The following NMD3 variants were observed in gnomAD, a reference collection of about 807,000 sequenced individuals.
The protein encoded by NMD3 is NMD3 ribosome export adaptor.
NMD3 carries 47 observed loss-of-function variants against 73.1 expected under a neutral mutation model. The ratio of observed to expected loss-of-function variants is 0.64; its 90% CI spans 0.51 to 0.82. The LOEUF is 0.82. Ranked by LOEUF, NMD3 falls within the 40% of genes least tolerant of loss-of-function variation. The pLI is 0.00. For missense variants in NMD3, 554 were observed against 612.5 expected (o/e 0.90, Z 1.01); for synonymous variants, 210 against 194.5 (o/e 1.08, Z -0.66).
At position 161,252,226 on chromosome 3, in the gene NMD3, GGTCT is replaced by G. The variant is rs1440334932; in HGVS notation, c.*1319_*1322del. ...TTGACCAAAGCAAGTTCTCATTGGT[GGTCT>G]GTGTTTACATCTTCCGTGTCAAGAT... is the stretch of plus-strand genomic sequence containing the variant. On this transcript the variant is annotated 3_prime_UTR_variant, in exon 16 of 16. Coordinates refer to ENST00000351193, the MANE Select transcript of NMD3 (RefSeq NM_015938.5). 6.6e-6 allele frequency: 1 copy of G among 152,014 alleles called. No individual in the cohort carries two copies. Among genetic ancestry groups the G allele is most frequent in the Non-Finnish European group, 1.5e-5 (1 of 68,000 alleles). The allele number at this position is 152,014 out of a possible 1,614,324, so 9.4% of individuals were successfully genotyped here. A position where few individuals can be genotyped will look rare whatever the true frequency, so the allele number is the denominator to read the frequency against.
chr3:161,234,025 G>A (rs1027855484), intron 5 of NMD3, among the ~76,000 whole-genome samples: 9 of 152,060 alleles, frequency 5.9e-5, no homozygotes, highest in Admixed American at 5.9e-4. Context: ...CAGATTCTGG[G>A]TTTTTGGATT....
At chr3:161,244,562 GAAGTAT>G (rs1737117291) in intron 11 of NMD3, among the ~76,000 whole-genome samples, 1 of 151,798 alleles carries the variant, frequency 6.6e-6, no homozygotes, top group Non-Finnish European at 1.5e-5. Context: ...GTGATCTCCT[GAAGTAT>G]AAGTATTGTA....
chr3:161,252,856 T>C (rs1450355567), downstream of NMD3: 4 of 690,064 alleles, frequency 5.8e-6, no homozygotes, highest in African/African-American at 7.1e-5. Flanking sequence ...CCCAGCACTT[T>C]GGGAGGCTGA....
chr3:161,242,600 A>G lies in NMD3; in HGVS notation c.964A>G (p.Ser322Gly), dbSNP rs771796367. The change falls in exon 11 of 16, where the codon AGC becomes GGC. Residue 322 changes from serine (S) to glycine (G), a missense_variant. Coordinates refer to ENST00000351193, the MANE Select transcript of NMD3 (RefSeq NM_015938.5). ...AGAGGAGTTTATTGTGATGGAATGC[A>G]GCATAGTCCAAGATATAAAACGTGC... ...QLEEFIVMEC[S>G]IVQDIKRAAG... 1.9e-6 allele frequency: 3 copies of G among 1,613,658 alleles called. No individual in the cohort carries two copies. In the Admixed American group the frequency reaches 5.0e-5, roughly 27 times the overall value.
chr3:161,249,477 C>T lies in NMD3; in HGVS notation c.1227C>T (p.Asp409=), dbSNP rs181602142. Residue 409 remains aspartate, a synonymous_variant, in exon 14 of 16, where the codon GAC becomes GAT. Coordinates refer to ENST00000351193, the MANE Select transcript of NMD3 (RefSeq NM_015938.5). Reference sequence around the variant, plus strand: ...AGGTATTAATCAAGAAGAGCTATGACCGGACCAAACGTCAGCGTCGTAGAA... The same window carrying T: ...AGGTATTAATCAAGAAGAGCTATGATCGGACCAAACGTCAGCGTCGTAGAA... The part of the protein sequence containing the change: ...PDVVLIKKSY[D]RTKRQRRRNW... 6.8e-6 allele frequency: 11 copies of T among 1,609,892 alleles called. No homozygotes were observed. The Admixed American group carries it at 1.7e-4, about 25-fold the overall frequency.
intron 9 of NMD3, among the ~76,000 whole-genome samples, chr3:161,240,808 A>G (rs1736943852): frequency 6.6e-6 from 1 of 151,622 alleles, no homozygotes; most frequent in South Asian, 2.1e-4. Context: ...TGCTGGAATT[A>G]CAGGAGTGAG....
rs1736839965 is a variant in NMD3 at position 161,238,149 on chromosome 3, C to G, written c.614C>G (p.Ala205Gly). The G allele has an allele frequency of 1.2e-6, 2 of 1,604,100 alleles. No individual in the cohort carries two copies. The highest frequency in any genetic ancestry group is 1.7e-6 in the Non-Finnish European group (2 of 1,175,788). Residue 205 changes from alanine to glycine, a missense_variant, in exon 8 of 16, where the codon GCT becomes GGT. Coordinates refer to ENST00000351193, the MANE Select transcript of NMD3 (RefSeq NM_015938.5). ...LDFYYSSKQH[A>G]QKMVEFLQCT... is the part of the protein sequence containing the mutation. ...TTTTATTATTCCTCAAAACAACATG[C>G]TCAGAAGATGGTCGAATTTCTTCAG...
In NMD3 at chr3:161,225,011, C is replaced by T; in HGVS notation, c.126C>T (p.Ile42=). Residue 42 remains isoleucine, a synonymous_variant, in exon 3 of 16, where the codon ATC becomes ATT. Transcript: ENST00000351193. Reference sequence around the variant, plus strand: ...CCTGTTTGCGAAGTAAAGTGGACATCAGCCAAGGTATTCCGAAACAAGTCT... The same window carrying T: ...CCTGTTTGCGAAGTAAAGTGGACATTAGCCAAGGTATTCCGAAACAAGTCT... The part of the protein sequence containing the change: ...CVACLRSKVD[I]SQGIPKQVSI... The T allele has an allele frequency of 6.2e-7, 1 of 1,613,954 alleles. No individual in the cohort carries two copies. The highest frequency in any genetic ancestry group is 8.5e-7 in the Non-Finnish European group (1 of 1,179,974).
At chr3:161,232,715 G>GC (rs1355091610) in intron 4 of NMD3, among the ~76,000 whole-genome samples, 1 of 151,958 alleles carries the variant, frequency 6.6e-6, no homozygotes, top group Non-Finnish European at 1.5e-5. Context: ...CTCCTAACTA[G>GC]CCCTTGCATC....
chr3:161,238,247 T>A, intron 8 of NMD3, 56 bp downstream of exon 8: 1 of 1,016,462 alleles, frequency 9.8e-7, no homozygotes, highest in East Asian at 2.4e-5. Flanking sequence ...TGGATGCGGA[T>A]CACATATATT....
At chr3:161,231,865 A>G (rs535569744) in intron 4 of NMD3, among the ~76,000 whole-genome samples, 2 of 152,244 alleles carry the variant, frequency 1.3e-5, no homozygotes, top group South Asian at 4.1e-4. Flanking sequence ...GGGTTTTAGG[A>G]TTCGGGGAGG....
At chr3:161,239,253 A>G (rs574217116) in intron 9 of NMD3, among the ~76,000 whole-genome samples, 2 of 152,232 alleles carry the variant, frequency 1.3e-5, no homozygotes, top group Non-Finnish European at 2.9e-5. Flanking sequence ...ATGAGATCAT[A>G]GAATCATTTT....
At position 161,251,713 on chromosome 3, in the gene NMD3, T is replaced by C. The variant is rs1040326070; in HGVS notation, c.*803T>C. 3.9e-5 allele frequency: 6 copies of C among 152,156 alleles called. No individual in the cohort carries two copies. The highest frequency in any genetic ancestry group is 1.4e-4 in the African/African-American group (6 of 41,446). The allele number at this position is 152,156 out of a possible 1,614,324, so 9.4% of individuals were successfully genotyped here. A position where few individuals can be genotyped will look rare whatever the true frequency, so the allele number is the denominator to read the frequency against. On this transcript the variant is annotated 3_prime_UTR_variant, in exon 16 of 16. Coordinates refer to ENST00000351193, the MANE Select transcript of NMD3 (RefSeq NM_015938.5). ...ATAAATTGAGAAGGAATTTTCTCTC[T>C]ATAAGTTTCTGTCATTGAACAGATC... is the stretch of plus-strand genomic sequence containing the variant.
intron 13 of NMD3, among the ~76,000 whole-genome samples, chr3:161,247,974 C>T (rs1469707485): frequency 1.3e-5 from 2 of 150,496 alleles, no homozygotes; most frequent in Non-Finnish European, 3.0e-5. Context: ...TTTGTAGAGA[C>T]GGGGTCTTGT....
intron 14 of NMD3, 33 bp from the exon 15 acceptor site, chr3:161,250,223 T>C (rs1737427236): frequency 8.5e-7 from 1 of 1,175,070 alleles, no homozygotes; most frequent in Admixed American, 1.7e-5. Context: ...AACTATATTT[T>C]TGGTGATGAA....
intron 4 of NMD3, among the ~76,000 whole-genome samples, chr3:161,229,477 G>A (rs1280921266): frequency 6.6e-6 from 1 of 152,184 alleles, no homozygotes; most frequent in Admixed American, 6.5e-5. Context: ...GACCTGAGCA[G>A]CCAAGTCACT....
chr3:161,241,165 T>A lies in NMD3; in HGVS notation c.871+2T>A, dbSNP rs768726608. 7.2e-6 allele frequency: 11 copies of A among 1,538,196 alleles called. No homozygotes were observed. The highest frequency in any genetic ancestry group is 9.0e-7 in the Non-Finnish European group (1 of 1,114,460). The stretch of plus-strand genomic sequence containing the variant: ...TCATTGATCCAAACACCCTACAAGG[T>A]AAATTCTGGAAATGATTTGCCTTGA... On this transcript the variant is annotated splice_donor_variant, in intron 10 of 15. Transcript: ENST00000351193. LOFTEE classifies it high-confidence loss of function.
intron 7 of NMD3, among the ~76,000 whole-genome samples, chr3:161,237,215 A>G (rs941421380): frequency 1.3e-4 from 20 of 152,082 alleles, no homozygotes; most frequent in Admixed American, 3.3e-4. Context: ...TTTTCTTTTT[A>G]AAATCTTAAT....
intron 13 of NMD3, 104 bp downstream of exon 13, chr3:161,247,434 T>G: frequency 3.1e-6 from 2 of 646,208 alleles, no homozygotes; most frequent in Admixed American, 3.0e-5. Flanking sequence ...ACAAATCAAT[T>G]TAGAGATTTC....
Sources: allele counts gnomAD v4.1 joint callset (sites outside exome capture counted in the v4.1 genomes callset), GRCh38; gene constraint gnomAD v4.1.1; transcripts MANE v1.5; gene names NCBI Gene and HGNC (gene_info 2026-07-23, HGNC 2026-07-21).